THEMIS: variants seen among roughly 807,000 people sequenced by gnomAD.
THEMIS encodes thymocyte selection associated, also known as protein THEMIS.
THEMIS carries 37 observed loss-of-function variants against 52.6 expected under a neutral mutation model. That is an observed-to-expected ratio of 0.70 (90% CI 0.54 to 0.93). THEMIS has a LOEUF of 0.93. Among genes scored for constraint, THEMIS ranks in the 40% least tolerant of loss-of-function variants. The pLI is 0.00. For synonymous variants in THEMIS, 292 were observed against 272.7 expected (o/e 1.07, Z -0.70); for missense variants, 808 against 763.1 (o/e 1.06, Z -0.69).
At chr6:127,810,657 T>C (rs759011990) in intron 4 of THEMIS, among the ~76,000 whole-genome samples, 26 of 152,162 alleles carry the variant, frequency 1.7e-4, no homozygotes, top group Non-Finnish European at 2.9e-4. Flanking sequence ...TCTTTATGAA[T>C]TACTGAGTCT....
At chr6:127,910,934 G>C (rs1226822568) in intron 1 of THEMIS, among the ~76,000 whole-genome samples, 1 of 152,078 alleles carries the variant, frequency 6.6e-6, no homozygotes, top group African/African-American at 2.4e-5. Flanking sequence ...TAGTTTCTCA[G>C]ACATTCCTTG....
intron 1 of THEMIS, among the ~76,000 whole-genome samples, chr6:127,857,357 C>T (rs1286441739): frequency 1.3e-5 from 2 of 151,826 alleles, no homozygotes; most frequent in Admixed American, 6.6e-5. Context: ...CCAGGACAGG[C>T]AGAGGAAATA....
chr6:127,769,646 A>G (rs2114430140), intron 4 of THEMIS, among the ~76,000 whole-genome samples: 1 of 152,148 alleles, frequency 6.6e-6, no homozygotes, highest in South Asian at 2.1e-4. Flanking sequence ...ATATATATTT[A>G]TACTTTAAAT....
intron 2 of THEMIS, among the ~76,000 whole-genome samples, chr6:127,833,681 C>T (rs1778778168): frequency 6.6e-6 from 1 of 152,130 alleles, no homozygotes; most frequent in Admixed American, 6.5e-5. Context: ...TCTGGTCCTA[C>T]TTTGAAGGCT....
At chr6:127,848,786 T>C (rs1779315920) in intron 2 of THEMIS, among the ~76,000 whole-genome samples, 1 of 152,144 alleles carries the variant, frequency 6.6e-6, no homozygotes, top group Non-Finnish European at 1.5e-5. Flanking sequence ...GTTTTTTTCT[T>C]GTAAATTTGT....
intron 4 of THEMIS, among the ~76,000 whole-genome samples, chr6:127,757,664 T>C (rs1303847681): frequency 6.6e-6 from 1 of 152,048 alleles, no homozygotes; most frequent in Non-Finnish European, 1.5e-5. Context: ...TCGTATTTTT[T>C]AGTAGAGACG....
intron 4 of THEMIS, 148 bp downstream of exon 4, chr6:127,812,735 G>A (rs969754669): frequency 1.3e-6 from 1 of 765,140 alleles, no homozygotes; most frequent in Non-Finnish European, 2.2e-6. Flanking sequence ...CACTGTTGAT[G>A]TTCATTCATC....
At chr6:127,769,341 AG>A (rs2114428180) in intron 4 of THEMIS, among the ~76,000 whole-genome samples, 1 of 145,576 alleles carries the variant, frequency 6.9e-6, no homozygotes, top group African/African-American at 2.5e-5. Context: ...AAAATAGACC[AG>A]TTTTTTTTTG....
At chr6:127,774,756 C>T (rs1454504007) in intron 4 of THEMIS, among the ~76,000 whole-genome samples, 1 of 152,152 alleles carries the variant, frequency 6.6e-6, no homozygotes, top group African/African-American at 2.4e-5. Context: ...CCCCAAATCT[C>T]ATCACCATCA....
the THEMIS span, among the ~76,000 whole-genome samples, chr6:127,701,335 CA>C: frequency 6.6e-6 from 1 of 151,936 alleles, no homozygotes; most frequent in Non-Finnish European, 1.5e-5. Context: ...TTCTGGTTTT[CA>C]AAAAACATCC....
In THEMIS at chr6:127,832,777, C is replaced by CTTTTTTTTTTTTTTTTTTTTTTTTTTT. The variant is rs11355741; in HGVS notation, c.251-2844_251-2843insAAAAAAAAAAAAAAAAAAAAAAAAAAA. ...CTATTTCCACCTAGGATTGTCAGAT[C>CTTTTTTTTTTTTTTTTTTTTTTTTTTT]TTTTTTTTTTTTTTTTTTTTTTTTG... is the stretch of plus-strand genomic sequence containing the variant. On this transcript the variant is annotated intron_variant, in intron 2 of 5. Transcript: ENST00000368248. 6.9e-5 allele frequency among the ~76,000 whole-genome samples: 4 copies of CTTTTTTTTTTTTTTTTTTTTTTTTTTT among 57,796 alleles called. 1 individual carries two copies. Among genetic ancestry groups the CTTTTTTTTTTTTTTTTTTTTTTTTTTT allele is most frequent in the African/African-American group, 2.3e-4 (3 of 13,092 alleles). 37.9% of individuals were successfully genotyped at this position (57,796 alleles called of 152,430 possible).
chr6:127,847,410 A>G (rs1022842472), intron 2 of THEMIS, among the ~76,000 whole-genome samples: 7 of 152,018 alleles, frequency 4.6e-5, no homozygotes, highest in African/African-American at 1.7e-4. Flanking sequence ...AAAAGCTCCC[A>G]GATCTGATAA....
chr6:127,849,209 C>G (rs1266713597), intron 2 of THEMIS, among the ~76,000 whole-genome samples: 1 of 151,898 alleles, frequency 6.6e-6, no homozygotes, highest in African/African-American at 2.4e-5. Context: ...TTGTTTTTGT[C>G]AGGTTTGTCA....
At chr6:127,890,133 A>G (rs1257963124) in intron 1 of THEMIS, among the ~76,000 whole-genome samples, 1 of 152,184 alleles carries the variant, frequency 6.6e-6, no homozygotes, top group African/African-American at 2.4e-5. Context: ...CTGTATGAGT[A>G]GATTACATAC....
intron 1 of THEMIS, among the ~76,000 whole-genome samples, chr6:127,915,455 G>T (rs1229071972): frequency 6.6e-6 from 1 of 152,036 alleles, no homozygotes; most frequent in African/African-American, 2.4e-5. Flanking sequence ...GGCCTTGTTC[G>T]GGCCTATTGC....
intron 4 of THEMIS, among the ~76,000 whole-genome samples, chr6:127,784,942 G>A (rs1583274227): frequency 6.8e-6 from 1 of 147,126 alleles, no homozygotes; most frequent in South Asian, 2.2e-4. Context: ...GATAGCAAAG[G>A]CAGTCACACT....
intron 1 of THEMIS, among the ~76,000 whole-genome samples, chr6:127,855,586 A>C (rs1779592662): frequency 6.6e-6 from 1 of 151,914 alleles, no homozygotes; most frequent in African/African-American, 2.4e-5. Context: ...GTTGTCATAC[A>C]ATTGGAGATG....
intron 1 of THEMIS, 42 bp from the exon 2 acceptor site, chr6:127,855,230 A>G (rs1779579756): frequency 6.7e-7 from 1 of 1,499,996 alleles, no homozygotes; most frequent in East Asian, 2.3e-5. Context: ...TAAAAAGAAA[A>G]CAGTGAAAAA....
chr6:127,899,903 TTATA>T (rs111727278), intron 1 of THEMIS, among the ~76,000 whole-genome samples: 62,239 of 144,400 alleles, frequency 0.43, 14,651 homozygotes, highest in Non-Finnish European at 0.56. Flanking sequence ...TGTGTATATT[TTATA>T]TATATATATA....
Sources: allele counts gnomAD v4.1 joint callset (sites outside exome capture counted in the v4.1 genomes callset), GRCh38; gene constraint gnomAD v4.1.1; transcripts MANE v1.5; gene names NCBI Gene and HGNC (gene_info 2026-07-23, HGNC 2026-07-21).